Variants in SLC7A13 observed in about 807,000 individuals in gnomAD.
The protein encoded by SLC7A13 is X-amino acid transporter 2.
A neutral mutation model predicts 32.0 loss-of-function variants in SLC7A13; 31 were observed. The observed-to-expected ratio is 0.97, with a 90% CI of 0.73 to 1.31. The LOEUF (loss-of-function observed/expected upper bound fraction) is 1.31, where lower values mean the gene tolerates loss of function less well. Ranked by LOEUF, SLC7A13 falls within the 50% of genes most tolerant of loss-of-function variation. The pLI is 0.00. For synonymous variants in SLC7A13, 232 were observed against 206.9 expected (o/e 1.12, Z -1.04); for missense variants, 633 against 546.9 (o/e 1.16, Z -1.57).
At chr8:86,223,183 A>G (rs1420316092) in intron 1 of SLC7A13, 80 bp from the exon 2 acceptor site, 2 of 1,328,542 alleles carry the variant, frequency 1.5e-6, no homozygotes, top group East Asian at 2.6e-5. Flanking sequence ...TTATTTTTGT[A>G]TTTGTATAAA....
At chr8:86,225,150 T>C (rs1185709162) in intron 1 of SLC7A13, among the ~76,000 whole-genome samples, 1 of 152,200 alleles carries the variant, frequency 6.6e-6, no homozygotes, top group Non-Finnish European at 1.5e-5. Context: ...TTCTGCTACT[T>C]AAAACCAAAT....
chr8:86,229,922 CTG>C lies in SLC7A13; in HGVS notation c.354_355del (p.Tyr118Ter), dbSNP rs1820454465. The stretch of plus-strand genomic sequence containing the variant: ...GCAGCTGGGAAAAAAAGGCTGGATG[CTG>C]TACTCAGCAAGGAGCAGAGCTTGGC... On this transcript the variant is annotated stop_gained and frameshift_variant, in exon 1 of 4. Coordinates refer to ENST00000297524, the MANE Select transcript of SLC7A13 (RefSeq NM_138817.3). LOFTEE classifies it high-confidence loss of function. The C allele has an allele frequency of 6.2e-7, 1 of 1,614,176 alleles. No homozygotes were observed. The highest frequency in any genetic ancestry group is 1.3e-5 in the African/African-American group (1 of 75,068).
chr8:86,230,108 G>A lies in SLC7A13; in HGVS notation c.170C>T (p.Ala57Val), dbSNP rs1449891597. Residue 57 changes from alanine (A) to valine (V), a missense_variant, in exon 1 of 4, where the codon GCC becomes GTC. By Grantham distance (64) the Ala-to-Val change is moderately conservative. Transcript: ENST00000297524. ...GVSLCVWAGC[A>V]ILAMTSTLCS... is the part of the protein sequence containing the mutation. The stretch of plus-strand genomic sequence containing the variant: ...AAGAGTTGATGTCATGGCCAGTATG[G>A]CACAGCCAGCCCAAACGCACAGGGA... 16 of 1,613,996 alleles carry A rather than the reference G, an allele frequency of 9.9e-6. No homozygotes were observed. Among genetic ancestry groups the A allele is most frequent in the Non-Finnish European group, 1.3e-5 (15 of 1,180,024 alleles).
intron 1 of SLC7A13, among the ~76,000 whole-genome samples, chr8:86,226,962 C>T (rs1820396963): frequency 6.6e-6 from 1 of 152,080 alleles, no homozygotes; most frequent in Admixed American, 6.5e-5. Flanking sequence ...AATACTGTAT[C>T]AAATTATTTG....
intron 3 of SLC7A13, 70 bp from the exon 4 acceptor site, chr8:86,214,716 A>C: frequency 1.8e-6 from 2 of 1,092,244 alleles, no homozygotes; most frequent in Non-Finnish European, 2.6e-6. Flanking sequence ...TATTCATATA[A>C]ATAAAAATGC....
intron 2 of SLC7A13, among the ~76,000 whole-genome samples, chr8:86,221,472 T>C (rs1820295474): frequency 6.6e-6 from 1 of 152,178 alleles, no homozygotes; most frequent in South Asian, 2.1e-4. Context: ...TTTAGAATTT[T>C]TTTTTATTAT....
intron 2 of SLC7A13, among the ~76,000 whole-genome samples, chr8:86,222,442 G>T (rs2078377391): frequency 6.6e-6 from 1 of 151,956 alleles, no homozygotes; most frequent in African/African-American, 2.4e-5. Flanking sequence ...TTTTTGGTCA[G>T]ATTTCCAATA....
intron 1 of SLC7A13, among the ~76,000 whole-genome samples, chr8:86,224,254 C>A (rs1031864259): frequency 6.6e-6 from 1 of 152,166 alleles, no homozygotes; most frequent in Non-Finnish European, 1.5e-5. Flanking sequence ...AGTTCCTCAA[C>A]AATGTCCTAT....
rs867805359 is a variant in SLC7A13, at chr8:86,230,189, C to G, written c.89G>C (p.Gly30Ala). The change falls in exon 1 of 4, where the codon GGA (glycine) becomes GCA (alanine). Residue 30 changes from glycine to alanine, a missense_variant. Coordinates refer to ENST00000297524, the MANE Select transcript of SLC7A13 (RefSeq NM_138817.3). ...CACACCTTTGGGGGACACAAAAATT[C>G]CTGCACCAATGATATTAATAAGCAA... ...SFLLINIIGAGIFVSPKGVLA... is the reference protein window; with the variant it reads ...SFLLINIIGAAIFVSPKGVLA... The G allele has an allele frequency of 6.2e-7, 1 of 1,613,992 alleles. No homozygotes were observed. Among genetic ancestry groups the G allele is most frequent in the Non-Finnish European group, 8.5e-7 (1 of 1,180,024 alleles).
chr8:86,229,018 G>T (rs531667437), intron 1 of SLC7A13, among the ~76,000 whole-genome samples: 39 of 152,120 alleles, frequency 2.6e-4, no homozygotes, highest in African/African-American at 9.2e-4. Context: ...GTTGCTGTAG[G>T]GTGACTGCTT....
intron 1 of SLC7A13, among the ~76,000 whole-genome samples, chr8:86,224,332 C>T (rs1285795778): frequency 6.6e-6 from 1 of 152,076 alleles, no homozygotes; most frequent in Admixed American, 6.6e-5. Flanking sequence ...TTGACCCTAC[C>T]CTTCCTTCAG....
Position 86,221,260 on chromosome 8 carries a change from T to C in SLC7A13, c.817+1712A>G, listed in dbSNP as rs55683324. Among the ~76,000 whole-genome samples the C allele has an allele frequency of 6.3e-3, 965 of 152,234 alleles. 11 individuals carry two copies. The highest frequency in any genetic ancestry group is 0.022 in the African/African-American group (929 of 41,566). On this transcript the variant is annotated intron_variant, in intron 2 of 3. Transcript: ENST00000297524. ...ATATCATCTTTTACAAATCACAGAATGTTCTATTATATAGATTTCCCATAA... is the reference window on the plus strand; with the variant it reads ...ATATCATCTTTTACAAATCACAGAACGTTCTATTATATAGATTTCCCATAA...
intron 1 of SLC7A13, among the ~76,000 whole-genome samples, chr8:86,227,158 C>T (rs1221045769): frequency 6.6e-6 from 1 of 151,940 alleles, no homozygotes; most frequent in Non-Finnish European, 1.5e-5. Context: ...TCTTGAGGCA[C>T]CAGTACAGGG....
At chr8:86,216,726 G>T (rs1413872475) in intron 3 of SLC7A13, among the ~76,000 whole-genome samples, 1 of 152,152 alleles carries the variant, frequency 6.6e-6, no homozygotes, top group Admixed American at 6.6e-5. Context: ...GTGTGAGCTT[G>T]AGCAAGTGAC....
chr8:86,216,456 T>G (rs983227142), intron 3 of SLC7A13, among the ~76,000 whole-genome samples: 1 of 152,166 alleles, frequency 6.6e-6, no homozygotes, highest in Non-Finnish European at 1.5e-5. Flanking sequence ...TTAATTCTTT[T>G]TCTACTGAAA....
At position 86,217,537 on chromosome 8, in the gene SLC7A13, G is replaced by T; in HGVS notation, c.1112C>A (p.Ser371Tyr). ...NYIFFTGSLW[S>Y]ILLMIGILRR... is the part of the protein sequence containing the mutation. ...TAGTATTCCTATCATTAATAATATA[G>T]ACCATAATGAACCCGTGAAAAAAAT... Residue 371 changes from serine (S) to tyrosine (Y), a missense_variant, in exon 3 of 4, where the codon TCT (serine) becomes TAT (tyrosine). Coordinates refer to ENST00000297524, the MANE Select transcript of SLC7A13 (RefSeq NM_138817.3). 2 of 1,610,384 alleles carry T rather than the reference G, an allele frequency of 1.2e-6. No homozygotes were observed. Among genetic ancestry groups the T allele is most frequent in the East Asian group, 4.5e-5 (2 of 44,788 alleles).
chr8:86,216,277 C>A (rs1820179650), intron 3 of SLC7A13, among the ~76,000 whole-genome samples: 2 of 152,256 alleles, frequency 1.3e-5, no homozygotes, highest in South Asian at 4.1e-4. Flanking sequence ...TAGGCAGGCA[C>A]CTCCAAGGGG....
At position 86,214,625 on chromosome 8, in the gene SLC7A13, C is replaced by A. The variant is rs776603092; in HGVS notation, c.1201G>T (p.Ala401Ser). Residue 401 changes from alanine (A) to serine (S), a missense_variant, in exon 4 of 4, where the codon GCA (alanine) becomes TCA (serine). Coordinates refer to ENST00000297524, the MANE Select transcript of SLC7A13 (RefSeq NM_138817.3). ...AAGCCCACGTCGATGACTATTGTTG[C>A]TAATGGAAATGACAAAAACACCTGA... is the stretch of plus-strand genomic sequence containing the variant. ...PYKVFLSFPL[A>S]TIVIDVGLVV... 6.2e-7 allele frequency: 1 copy of A among 1,605,976 alleles called. No individual in the cohort carries two copies. The highest frequency in any genetic ancestry group is 1.1e-5 in the South Asian group (1 of 89,774).
chr8:86,221,370 T>C (rs1820292199), intron 2 of SLC7A13, among the ~76,000 whole-genome samples: 1 of 152,210 alleles, frequency 6.6e-6, no homozygotes, highest in Non-Finnish European at 1.5e-5. Context: ...TTACTATACC[T>C]ATACATACAT....
Sources: allele counts gnomAD v4.1 joint callset (sites outside exome capture counted in the v4.1 genomes callset), GRCh38; gene constraint gnomAD v4.1.1; transcripts MANE v1.5; gene names NCBI Gene and HGNC (gene_info 2026-07-23, HGNC 2026-07-21).